SCAI: variants seen among roughly 807,000 people sequenced by gnomAD.
SCAI encodes the protein suppressor of cancer cell invasion.
A neutral mutation model predicts 92.2 loss-of-function variants in SCAI; 24 were observed. The observed-to-expected ratio is 0.26, with a 90% CI of 0.19 to 0.37. The LOEUF is 0.37. Ranked by LOEUF, SCAI falls within the 10% of genes least tolerant of loss-of-function variation. SCAI has a pLI of 1.00. For missense variants in SCAI, 450 were observed against 736.2 expected (o/e 0.61, Z 4.50); for synonymous variants, 261 against 258.6 (o/e 1.01, Z -0.09).
At chr9:125,026,269 G>A (rs1381951419) in intron 6 of SCAI, among the ~76,000 whole-genome samples, 3 of 152,010 alleles carry the variant, frequency 2.0e-5, no homozygotes, top group Non-Finnish European at 4.4e-5. Context: ...AGCTACTTGG[G>A]ATGCTGAAGC....
intron 3 of SCAI, among the ~76,000 whole-genome samples, chr9:125,053,812 T>C (rs961500918): frequency 1.3e-5 from 2 of 152,156 alleles, no homozygotes; most frequent in African/African-American, 4.8e-5. Flanking sequence ...TTTTATTGTA[T>C]ATAAATATAG....
At chr9:125,022,552 C>T (rs1832889875) in intron 6 of SCAI, among the ~76,000 whole-genome samples, 1 of 152,168 alleles carries the variant, frequency 6.6e-6, no homozygotes, top group Non-Finnish European at 1.5e-5. Flanking sequence ...ACTAGGATTG[C>T]AGGTGTGTGC....
At chr9:125,064,856 C>T (rs1833844425) in intron 2 of SCAI, among the ~76,000 whole-genome samples, 1 of 151,912 alleles carries the variant, frequency 6.6e-6, no homozygotes, top group African/African-American at 2.4e-5. Context: ...AAAAAACAAA[C>T]AAACAAAAAA....
intron 5 of SCAI, 111 bp from the exon 6 acceptor site, chr9:125,027,021 G>A: frequency 2.1e-6 from 1 of 475,830 alleles, no homozygotes. Context: ...TGCGGGGGTG[G>A]GAATGACTGT....
intron 9 of SCAI, among the ~76,000 whole-genome samples, chr9:125,009,009 C>A (rs996394855): frequency 1.3e-5 from 2 of 151,924 alleles, no homozygotes; most frequent in African/African-American, 4.8e-5. Context: ...ATCTAACAGA[C>A]AATTTCTCAA....
At chr9:125,129,925 G>A (rs1025833622) in intron 2 of SCAI, among the ~76,000 whole-genome samples, 2 of 151,046 alleles carry the variant, frequency 1.3e-5, no homozygotes, top group African/African-American at 2.4e-5. Context: ...TTGAGATGGA[G>A]TCTTGCTCTG....
intron 3 of SCAI, among the ~76,000 whole-genome samples, chr9:125,032,817 A>G (rs1833108156): frequency 6.6e-6 from 1 of 151,544 alleles, no homozygotes. Flanking sequence ...GGGTTTCCCC[A>G]TGTTGGCCAG....
intron 10 of SCAI, 118 bp downstream of exon 10, chr9:125,003,351 T>C: frequency 1.0e-6 from 1 of 998,662 alleles, no homozygotes; most frequent in Non-Finnish European, 1.6e-6. Flanking sequence ...TATTTCTCCA[T>C]GTCTCATCAA....
Position 124,962,170 on chromosome 9 carries a change from T to TTTG in SCAI, c.1674+9199_1674+9200insCAA, listed in dbSNP as rs1554774807. 2.2e-3 allele frequency among the ~76,000 whole-genome samples: 187 copies of TTTG among 84,058 alleles called. 1 individual carries two copies. Among genetic ancestry groups the TTTG allele is most frequent in the East Asian group, 7.0e-3 (20 of 2,872 alleles). The allele number at this position is 84,058 out of a possible 152,430, so 55.1% of individuals were successfully genotyped here. A position where few individuals can be genotyped will look rare whatever the true frequency, so the allele number is the denominator to read the frequency against. On this transcript the variant is annotated intron_variant, in intron 17 of 17. Coordinates refer to ENST00000336505, the MANE Select transcript of SCAI (RefSeq NM_001144877.3). Reference sequence around the variant, plus strand: ...TATGTCTTTTTTTTTTTTTTTTTTTTGCGGGGGGGGATGGAGTCTTGCTCT... The same window carrying TTTG: ...TATGTCTTTTTTTTTTTTTTTTTTTTTTGGCGGGGGGGGATGGAGTCTTGCTCT...
chr9:125,060,044 T>C (rs1486177829), intron 2 of SCAI, among the ~76,000 whole-genome samples: 1 of 152,150 alleles, frequency 6.6e-6, no homozygotes, highest in African/African-American at 2.4e-5. Flanking sequence ...ATCAAGTCAG[T>C]AGGGGCTTCT....
chr9:125,024,560 C>T (rs1014737221), intron 6 of SCAI, among the ~76,000 whole-genome samples: 14 of 152,196 alleles, frequency 9.2e-5, no homozygotes, highest in Non-Finnish European at 2.1e-4. Context: ...TAGGTGTGAG[C>T]CACTGTACCC....
At chr9:125,142,512 C>G in intron 2 of SCAI, 121 bp downstream of exon 2, 1 of 730,082 alleles carries the variant, frequency 1.4e-6, no homozygotes, top group Non-Finnish European at 2.3e-6. Flanking sequence ...TGGTTATATT[C>G]TTTTAAAAGG....
intron 2 of SCAI, among the ~76,000 whole-genome samples, chr9:125,099,695 T>A (rs929614141): frequency 2.6e-5 from 4 of 152,198 alleles, no homozygotes; most frequent in African/African-American, 7.2e-5. Context: ...GTAATGAATA[T>A]GAGGAAATCA....
chr9:124,968,037 G>C (rs1452439596), intron 17 of SCAI, among the ~76,000 whole-genome samples: 2 of 151,958 alleles, frequency 1.3e-5, no homozygotes, highest in Non-Finnish European at 2.9e-5. Context: ...TCAGGTATAG[G>C]GATAAGACAT....
chr9:125,118,241 T>C (rs1334419263), intron 2 of SCAI, among the ~76,000 whole-genome samples: 1 of 152,212 alleles, frequency 6.6e-6, no homozygotes, highest in African/African-American at 2.4e-5. Flanking sequence ...CTCACTTCTG[T>C]AATCCCAACA....
intron 2 of SCAI, among the ~76,000 whole-genome samples, chr9:125,111,830 C>G (rs71495545): frequency 6.6e-6 from 1 of 151,994 alleles, no homozygotes; most frequent in Non-Finnish European, 1.5e-5. Flanking sequence ...GGCAGAGGCC[C>G]TGAGTTAAAA....
chr9:125,051,147 C>T (rs1200708637), intron 3 of SCAI, among the ~76,000 whole-genome samples: 1 of 152,058 alleles, frequency 6.6e-6, no homozygotes, highest in African/African-American at 2.4e-5. Flanking sequence ...CTCAGCCTCC[C>T]GAGTAGCTGA....
chr9:125,114,752 G>A (rs1050635008), intron 2 of SCAI, among the ~76,000 whole-genome samples: 5 of 140,752 alleles, frequency 3.6e-5, no homozygotes, highest in African/African-American at 5.3e-5. Flanking sequence ...CTACAGGTGC[G>A]TGTCACCACA....
intron 14 of SCAI, among the ~76,000 whole-genome samples, chr9:124,987,161 T>TTG (rs1250133494): frequency 6.6e-6 from 1 of 152,116 alleles, no homozygotes; most frequent in African/African-American, 2.4e-5. Flanking sequence ...ATAGCTGGGA[T>TTG]TACAGGCATG....
Sources: allele counts gnomAD v4.1 joint callset (sites outside exome capture counted in the v4.1 genomes callset), GRCh38; gene constraint gnomAD v4.1.1; transcripts MANE v1.5; gene names NCBI Gene and HGNC (gene_info 2026-07-23, HGNC 2026-07-21).